The following FSTL5 variants were observed in gnomAD, a reference collection of about 807,000 sequenced individuals.
FSTL5 encodes follistatin like 5.
Under a neutral mutation model 89.1 loss-of-function variants are expected in FSTL5, and 62 were observed. That is an observed-to-expected ratio of 0.70 (90% confidence interval 0.57 to 0.86). The LOEUF is 0.86. FSTL5 is among the 40% of genes least tolerant of loss of function. The pLI is 0.00. For missense variants in FSTL5, 1,057 were observed against 1,001.6 expected (o/e 1.06, Z -0.75); for synonymous variants, 383 against 346.2 (o/e 1.11, Z -1.18).
chr4:162,078,414 A>G (rs976245502), intron 2 of FSTL5, among the ~76,000 whole-genome samples: 3 of 151,854 alleles, frequency 2.0e-5, no homozygotes, highest in African/African-American at 7.2e-5. Context: ...TTTAGTTTTC[A>G]GTTATGTTGC....
chr4:161,675,785 C>A (rs561145396), intron 6 of FSTL5, among the ~76,000 whole-genome samples: 1 of 151,752 alleles, frequency 6.6e-6, no homozygotes, highest in Admixed American at 6.6e-5. Context: ...GCTAATGAGA[C>A]GCTATCTGAT....
chr4:162,034,207 G>A (rs1196196303), intron 2 of FSTL5, among the ~76,000 whole-genome samples: 2 of 151,832 alleles, frequency 1.3e-5, no homozygotes, highest in African/African-American at 2.4e-5. Context: ...ATAAACAAAT[G>A]GTTAATGAAT....
intron 4 of FSTL5, among the ~76,000 whole-genome samples, chr4:161,790,121 T>C (rs552294436): frequency 1.3e-4 from 20 of 152,210 alleles, no homozygotes; most frequent in Non-Finnish European, 2.6e-4. Context: ...AAATAATAAG[T>C]AGAAATTCTT....
intron 7 of FSTL5, among the ~76,000 whole-genome samples, chr4:161,595,851 T>C (rs1733995929): frequency 6.6e-6 from 1 of 152,030 alleles, no homozygotes; most frequent in Non-Finnish European, 1.5e-5. Flanking sequence ...ACTTTCTTTT[T>C]CATATTATGT....
chr4:161,866,708 CA>C (rs1360411992), intron 4 of FSTL5, among the ~76,000 whole-genome samples: 3 of 151,664 alleles, frequency 2.0e-5, no homozygotes, highest in Non-Finnish European at 2.9e-5. Context: ...ATTTAGCAAT[CA>C]AATTAAAATA....
intron 6 of FSTL5, among the ~76,000 whole-genome samples, chr4:161,707,771 A>G (rs909641613): frequency 6.6e-6 from 1 of 151,976 alleles, no homozygotes. Context: ...GATACACAAT[A>G]CAGGGTATAT....
At chr4:161,401,517 TA>T (rs1178278843) in intron 15 of FSTL5, among the ~76,000 whole-genome samples, 4 of 152,118 alleles carry the variant, frequency 2.6e-5, no homozygotes, top group Non-Finnish European at 5.9e-5. Flanking sequence ...CCTAGTTGTT[TA>T]TTTTTTATTA....
intron 8 of FSTL5, among the ~76,000 whole-genome samples, chr4:161,577,105 G>A (rs554251031): frequency 7.9e-5 from 12 of 152,236 alleles, no homozygotes; most frequent in African/African-American, 2.9e-4. Flanking sequence ...CTCCTTTCTT[G>A]TTCTAGTGAG....
chr4:162,124,245 A>G (rs1373196461), intron 1 of FSTL5, among the ~76,000 whole-genome samples: 1 of 152,236 alleles, frequency 6.6e-6, no homozygotes, highest in Non-Finnish European at 1.5e-5. Flanking sequence ...ACACAGAATT[A>G]GAATTTATAT....
At chr4:161,588,608 T>TTC (rs1733700479) in intron 7 of FSTL5, among the ~76,000 whole-genome samples, 5 of 152,114 alleles carry the variant, frequency 3.3e-5, no homozygotes, top group African/African-American at 1.2e-4. Flanking sequence ...CTGGCAAAAA[T>TTC]TGCCAAAATC....
intron 8 of FSTL5, among the ~76,000 whole-genome samples, chr4:161,550,585 A>C (rs968091047): frequency 2.8e-5 from 4 of 142,500 alleles, no homozygotes; most frequent in Non-Finnish European, 6.1e-5. Flanking sequence ...TTATTTATTT[A>C]TTTATTTATT....
chr4:161,544,384 A>G (rs1318056425), intron 8 of FSTL5, among the ~76,000 whole-genome samples: 2 of 151,954 alleles, frequency 1.3e-5, no homozygotes, highest in Non-Finnish European at 2.9e-5. Context: ...TCTGACACAA[A>G]CGTTTACATA....
chr4:161,393,089 G>A (rs1190143629), intron 15 of FSTL5, among the ~76,000 whole-genome samples: 4 of 152,024 alleles, frequency 2.6e-5, no homozygotes, highest in East Asian at 3.9e-4. Flanking sequence ...ACTTGAACCC[G>A]GGAGGCAGAG....
chr4:162,112,879 CTTG>C (rs1334059761), intron 1 of FSTL5, among the ~76,000 whole-genome samples: 2 of 151,254 alleles, frequency 1.3e-5, no homozygotes, highest in African/African-American at 4.9e-5. Flanking sequence ...TGTTGTTGTT[CTTG>C]TTGTTGTTTT....
chr4:161,477,062 T>C (rs112549994), intron 13 of FSTL5, among the ~76,000 whole-genome samples: 3,114 of 152,288 alleles, frequency 0.02, 122 homozygotes, highest in African/African-American at 0.07. Context: ...TGTTTCCATG[T>C]TGTTTCCATT....
intron 15 of FSTL5, among the ~76,000 whole-genome samples, chr4:161,411,546 TA>T (rs1458985877): frequency 2.0e-5 from 3 of 152,154 alleles, no homozygotes; most frequent in Non-Finnish European, 4.4e-5. Flanking sequence ...TGCAGATAAG[TA>T]AGTGATATAC....
intron 3 of FSTL5, among the ~76,000 whole-genome samples, chr4:161,976,773 G>A (rs1480815091): frequency 6.6e-6 from 1 of 152,132 alleles, no homozygotes; most frequent in Non-Finnish European, 1.5e-5. Context: ...GAGCCATCGC[G>A]CCTGGCCAGG....
intron 4 of FSTL5, among the ~76,000 whole-genome samples, chr4:161,795,667 T>G (rs1468299546): frequency 1.3e-5 from 2 of 152,094 alleles, no homozygotes; most frequent in African/African-American, 4.8e-5. Context: ...TTTCATTATT[T>G]TGCATGAGGA....
At chr4:161,431,556 G>C (rs1237169619) in intron 15 of FSTL5, among the ~76,000 whole-genome samples, 2 of 151,170 alleles carry the variant, frequency 1.3e-5, no homozygotes, top group Non-Finnish European at 3.0e-5. Context: ...AGAAGAAAGA[G>C]AAGACCACAA....
Sources: gnomAD v4.1 joint callset for allele counts (sites outside exome capture counted in the v4.1 genomes callset) on GRCh38, gnomAD v4.1.1 for gene constraint, MANE v1.5 for transcripts, NCBI Gene and HGNC (gene_info 2026-07-23, HGNC 2026-07-21) for gene names.